Variants in DSCAM observed in about 807,000 individuals in gnomAD.
DSCAM encodes the protein cell adhesion molecule DSCAM.
DSCAM carries 47 observed loss-of-function variants against 217.7 expected under a neutral mutation model. That is an observed-to-expected ratio of 0.22 (90% CI 0.17 to 0.28). The LOEUF is 0.28. Ranked by LOEUF, DSCAM falls within the 10% of genes least tolerant of loss-of-function variation. DSCAM has a pLI of 1.00. For synonymous variants in DSCAM, 1,056 were observed against 1,015.3 expected (o/e 1.04, Z -0.76); for missense variants, 2,080 against 2,618.3 (o/e 0.79, Z 4.49).
At chr21:40,668,014 T>A (rs899502255) in intron 3 of DSCAM, among the ~76,000 whole-genome samples, 4 of 152,204 alleles carry the variant, frequency 2.6e-5, no homozygotes, top group Non-Finnish European at 5.9e-5. Context: ...CAAATTTTTA[T>A]CTGGAAGTAG....
chr21:40,501,964 G>T (rs987558042), intron 3 of DSCAM, among the ~76,000 whole-genome samples: 2 of 152,148 alleles, frequency 1.3e-5, no homozygotes, highest in Non-Finnish European at 2.9e-5. Flanking sequence ...ATATCTTGAA[G>T]AACTTAGAAG....
intron 11 of DSCAM, among the ~76,000 whole-genome samples, chr21:40,275,085 G>T (rs2073669045): frequency 6.6e-6 from 1 of 152,066 alleles, no homozygotes; most frequent in African/African-American, 2.4e-5. Context: ...AGTGCTTTGG[G>T]AGGCCAAGAG....
In DSCAM at chr21:40,144,993, T is replaced by C. The variant is rs142868656; in HGVS notation, c.3019-262A>G. ...CAATGGACACAGGAGGTCACCTGAGTATGCATGGCAGGAGCGGAATCTGAA... is the reference window on the plus strand; with the variant it reads ...CAATGGACACAGGAGGTCACCTGAGCATGCATGGCAGGAGCGGAATCTGAA... On this transcript the variant is annotated intron_variant, in intron 16 of 32. Coordinates refer to ENST00000400454, the MANE Select transcript of DSCAM (RefSeq NM_001389.5). The surrounding 1 kb of genome is among the most constrained non-coding windows in gnomAD (Gnocchi z 4.8). 0.011 allele frequency among the ~76,000 whole-genome samples: 1,750 copies of C among 152,192 alleles called. 37 individuals carry two copies. The highest frequency in any genetic ancestry group is 0.04 in the African/African-American group (1,653 of 41,526).
intron 1 of DSCAM, among the ~76,000 whole-genome samples, chr21:40,833,400 G>C (rs1324900176): frequency 1.3e-5 from 2 of 152,084 alleles, no homozygotes; most frequent in Admixed American, 6.6e-5. Flanking sequence ...GGAAAAACAG[G>C]CCTCCGCCAG....
intron 11 of DSCAM, among the ~76,000 whole-genome samples, chr21:40,236,562 C>G (rs2073082062): frequency 6.6e-6 from 1 of 152,142 alleles, no homozygotes; most frequent in South Asian, 2.1e-4. Context: ...ACACAGAGCA[C>G]ATGACGGGTT....
intron 3 of DSCAM, among the ~76,000 whole-genome samples, chr21:40,511,909 C>T (rs369531823): frequency 4.7e-4 from 67 of 142,834 alleles, no homozygotes; most frequent in African/African-American, 1.7e-3. Flanking sequence ...GAGAATGGCG[C>T]GAATCCGGGA....
At chr21:40,254,766 C>CTTTCCAGCAGG (rs1457224954) in intron 11 of DSCAM, among the ~76,000 whole-genome samples, 1 of 152,136 alleles carries the variant, frequency 6.6e-6, no homozygotes, top group Non-Finnish European at 1.5e-5. Flanking sequence ...ATCCCAAGCG[C>CTTTCCAGCAGG]TTTCCAGCAG....
chr21:40,384,627 C>G (rs1237170665), intron 3 of DSCAM: 1 of 153,332 alleles, frequency 6.5e-6, no homozygotes, highest in African/African-American at 2.4e-5. Flanking sequence ...ACAACAACAA[C>G]AGGACAACAG....
chr21:40,515,211 G>T (rs1488079355), intron 3 of DSCAM, among the ~76,000 whole-genome samples: 1 of 152,146 alleles, frequency 6.6e-6, no homozygotes, highest in Non-Finnish European at 1.5e-5. Context: ...TTTGCACACT[G>T]CTCCTTTTCC....
At chr21:40,381,338 GTAT>G (rs2075023103) in intron 3 of DSCAM, among the ~76,000 whole-genome samples, 1 of 152,142 alleles carries the variant, frequency 6.6e-6, no homozygotes, top group African/African-American at 2.4e-5. Flanking sequence ...TGTGCTCGTT[GTAT>G]CAGGCGGACT....
At chr21:40,229,404 A>C (rs961471712) in intron 11 of DSCAM, among the ~76,000 whole-genome samples, 1 of 152,178 alleles carries the variant, frequency 6.6e-6, no homozygotes, top group Non-Finnish European at 1.5e-5. Flanking sequence ...TTTTTGCTGG[A>C]AGGCTCTGTG....
chr21:40,267,007 G>A (rs941549019), intron 11 of DSCAM, among the ~76,000 whole-genome samples: 5 of 147,126 alleles, frequency 3.4e-5, no homozygotes, highest in South Asian at 2.3e-4. Flanking sequence ...GTGCTATAAC[G>A]GACTCGGGAG....
At chr21:40,751,038 CCT>C (rs2091222291) in intron 1 of DSCAM, among the ~76,000 whole-genome samples, 1 of 152,142 alleles carries the variant, frequency 6.6e-6, no homozygotes, top group East Asian at 1.9e-4. Flanking sequence ...CCTCCAACAT[CCT>C]CTCTGTCCCT....
chr21:40,138,513 A>T (rs1397740812), intron 18 of DSCAM, among the ~76,000 whole-genome samples: 1 of 119,862 alleles, frequency 8.3e-6, no homozygotes, highest in African/African-American at 3.3e-5. Flanking sequence ...GTGCATATGT[A>T]TGCGGAGTGT....
intron 6 of DSCAM, among the ~76,000 whole-genome samples, chr21:40,341,971 G>C (rs764708576): frequency 3.9e-5 from 6 of 152,136 alleles, no homozygotes; most frequent in Non-Finnish European, 7.3e-5. Flanking sequence ...TTTGTAGTCA[G>C]TTGCTGAAAT....
At chr21:40,170,348 AGAGT>A (rs1159505875) in intron 15 of DSCAM, among the ~76,000 whole-genome samples, 2 of 152,244 alleles carry the variant, frequency 1.3e-5, no homozygotes, top group Non-Finnish European at 2.9e-5. Context: ...AACTAAGCCC[AGAGT>A]GAGTCCTTGC....
chr21:40,735,872 T>G (rs1362602159), intron 1 of DSCAM, among the ~76,000 whole-genome samples: 1 of 152,182 alleles, frequency 6.6e-6, no homozygotes, highest in Non-Finnish European at 1.5e-5. Flanking sequence ...AGATCAGTTC[T>G]GACACTCACT....
intron 11 of DSCAM, among the ~76,000 whole-genome samples, chr21:40,210,692 G>C (rs994919824): frequency 1.3e-5 from 2 of 152,196 alleles, no homozygotes; most frequent in African/African-American, 4.8e-5. Flanking sequence ...TTACAGGCAT[G>C]TGCCACCATG....
chr21:40,607,998 G>C (rs1419863256), intron 3 of DSCAM, among the ~76,000 whole-genome samples: 2 of 152,100 alleles, frequency 1.3e-5, no homozygotes, highest in African/African-American at 4.8e-5. Flanking sequence ...GTGAGGAAGG[G>C]GGGAGTTTCA....
Sources: allele counts gnomAD v4.1 joint callset (sites outside exome capture counted in the v4.1 genomes callset), GRCh38; gene constraint gnomAD v4.1.1; non-coding constraint Gnocchi (gnomAD v3.1); transcripts MANE v1.5; gene names NCBI Gene and HGNC (gene_info 2026-07-23, HGNC 2026-07-21).